FNIP1: variants seen among roughly 807,000 people sequenced by gnomAD.
FNIP1 encodes folliculin-interacting protein 1.
FNIP1 carries 40 observed loss-of-function variants against 124.5 expected under a neutral mutation model. The ratio of observed to expected loss-of-function variants is 0.32; its 90% confidence interval spans 0.25 to 0.42. The LOEUF is 0.42. Among genes scored for constraint, FNIP1 ranks in the 10% least tolerant of loss-of-function variants. The pLI, the probability that FNIP1 is intolerant of heterozygous loss-of-function variation, is 1.00. For missense variants in FNIP1, 1,176 were observed against 1,403.7 expected (o/e 0.84, Z 2.59); for synonymous variants, 472 against 470.6 (o/e 1.00, Z -0.04).
intron 5 of FNIP1, 44 bp from the exon 6 acceptor site, chr5:131,716,700 G>GTT (rs1182153537): frequency 8.0e-7 from 1 of 1,256,638 alleles, no homozygotes; most frequent in Admixed American, 2.1e-5. Flanking sequence ...TCATTTTATG[G>GTT]TTTAAGGACA....
chr5:131,740,277 C>T (rs1358550166), intron 2 of FNIP1, among the ~76,000 whole-genome samples: 1 of 152,166 alleles, frequency 6.6e-6, no homozygotes, highest in East Asian at 1.9e-4. Context: ...ATTGAGCTTA[C>T]TGATTTCTGT....
intron 1 of FNIP1, among the ~76,000 whole-genome samples, chr5:131,766,339 G>A (rs1335162709): frequency 2.6e-5 from 4 of 152,052 alleles, no homozygotes; most frequent in Non-Finnish European, 4.4e-5. Context: ...ACTGCAGCTG[G>A]CCTGTAGTTT....
Position 131,772,772 on chromosome 5 carries a change from C to T in FNIP1, c.92+24058G>A, listed in dbSNP as rs185137473. ...TCGCTGTTTCCCATCTCTCTGCTAC[C>T]ATCATGACCCTGCCCTCTCTAACCT... On this transcript the variant is annotated intron_variant, in intron 1 of 17. Coordinates refer to ENST00000510461, the MANE Select transcript of FNIP1 (RefSeq NM_133372.3). Among the ~76,000 whole-genome samples the T allele has an allele frequency of 6.5e-3, 995 of 152,270 alleles. 3 individuals carry two copies. Among genetic ancestry groups the T allele is most frequent in the Middle Eastern group, 0.017 (5 of 294 alleles).
intron 15 of FNIP1, among the ~76,000 whole-genome samples, chr5:131,661,220 T>TTGTGTGTG (rs370206265): frequency 2.0e-5 from 3 of 147,636 alleles, no homozygotes; most frequent in African/African-American, 7.6e-5. Flanking sequence ...TGTCTTTGTT[T>TTGTGTGTG]TGTGTGTGTG....
At chr5:131,796,757 A>G in intron 1 of FNIP1, 73 bp downstream of exon 1, 1 of 1,379,238 alleles carries the variant, frequency 7.3e-7, no homozygotes, top group Non-Finnish European at 9.9e-7. Context: ...GGAACACCGA[A>G]GGCCCCAACA....
chr5:131,781,362 T>C (rs527458373), intron 1 of FNIP1, among the ~76,000 whole-genome samples: 2 of 152,350 alleles, frequency 1.3e-5, no homozygotes, highest in East Asian at 1.9e-4. Flanking sequence ...ACAGCCTATT[T>C]ATTATCAGAA....
intron 1 of FNIP1, among the ~76,000 whole-genome samples, chr5:131,759,890 T>C (rs1018391161): frequency 2.0e-5 from 3 of 152,186 alleles, no homozygotes; most frequent in African/African-American, 7.2e-5. Context: ...AGATACACCA[T>C]GGAGTAATAT....
intron 10 of FNIP1, among the ~76,000 whole-genome samples, chr5:131,701,984 T>C (rs1238226257): frequency 1.3e-5 from 2 of 152,214 alleles, no homozygotes; most frequent in East Asian, 3.8e-4. Flanking sequence ...AGCCACTGAT[T>C]TTATCAGCTC....
intron 3 of FNIP1, among the ~76,000 whole-genome samples, chr5:131,723,264 A>G (rs758407436): frequency 6.6e-6 from 1 of 152,166 alleles, no homozygotes; most frequent in African/African-American, 2.4e-5. Flanking sequence ...TTTTACCATA[A>G]TGTGTCTAAC....
At chr5:131,680,805 T>G (rs1768054389) in intron 11 of FNIP1, among the ~76,000 whole-genome samples, 1 of 152,282 alleles carries the variant, frequency 6.6e-6, no homozygotes, top group Admixed American at 6.5e-5. Context: ...CAAGGAACTA[T>G]TACTGAAAAT....
rs1221698907 is a variant in FNIP1 at position 131,716,660 on chromosome 5, T to C, written c.531-4A>G. ...GAATTCAAGACTATCTTGTAGCCTATGGAGGGTGAGAAGAAAATTAATTCC... is the reference window on the plus strand; with the variant it reads ...GAATTCAAGACTATCTTGTAGCCTACGGAGGGTGAGAAGAAAATTAATTCC... On this transcript the variant is annotated splice_polypyrimidine_tract_variant and splice_region_variant and intron_variant, in intron 5 of 17. Transcript: ENST00000510461. 5 of 1,549,458 alleles carry C rather than the reference T, an allele frequency of 3.2e-6. No homozygotes were observed. Among genetic ancestry groups the C allele is most frequent in the African/African-American group, 1.4e-5 (1 of 72,608 alleles).
At chr5:131,793,999 G>A (rs1028332546) in intron 1 of FNIP1, among the ~76,000 whole-genome samples, 1 of 151,936 alleles carries the variant, frequency 6.6e-6, no homozygotes, top group Non-Finnish European at 1.5e-5. Context: ...GATACCACTA[G>A]AATGGCTATA....
intron 1 of FNIP1, among the ~76,000 whole-genome samples, chr5:131,753,100 C>CA (rs1213488089): frequency 2.0e-5 from 3 of 151,412 alleles, no homozygotes; most frequent in Admixed American, 1.3e-4. Context: ...TACAAACAAA[C>CA]AAAAAAAATG....
At chr5:131,645,482 C>A (rs910753227) in intron 17 of FNIP1, among the ~76,000 whole-genome samples, 3 of 152,096 alleles carry the variant, frequency 2.0e-5, no homozygotes, top group African/African-American at 7.2e-5. Flanking sequence ...ATCAGACTCC[C>A]TCATGGTTAG....
At chr5:131,649,493 T>G (rs1489480655) in intron 16 of FNIP1, among the ~76,000 whole-genome samples, 2 of 152,248 alleles carry the variant, frequency 1.3e-5, no homozygotes, top group Admixed American at 6.5e-5. Context: ...CTTTGCCATT[T>G]TTTAATTCAA....
chr5:131,796,614 A>C, intron 1 of FNIP1: 1 of 559,034 alleles, frequency 1.8e-6, no homozygotes, highest in Non-Finnish European at 3.2e-6. Context: ...AGGAGGGGGA[A>C]GGGGCAACGG....
chr5:131,762,976 G>C (rs1384438421), intron 1 of FNIP1, among the ~76,000 whole-genome samples: 2 of 152,070 alleles, frequency 1.3e-5, no homozygotes, highest in Admixed American at 1.3e-4. Context: ...TAAAACAACT[G>C]AACTAGTGGA....
intron 2 of FNIP1, among the ~76,000 whole-genome samples, chr5:131,740,498 C>T (rs760510887): frequency 1.3e-5 from 2 of 152,134 alleles, no homozygotes; most frequent in Admixed American, 6.5e-5. Flanking sequence ...TGTGAATGGT[C>T]ATATAACTTA....
chr5:131,674,913 G>T (rs1382615842), intron 13 of FNIP1, among the ~76,000 whole-genome samples: 1 of 152,046 alleles, frequency 6.6e-6, no homozygotes, highest in Non-Finnish European at 1.5e-5. Context: ...TTTCTCTTCT[G>T]GCTAACACAC....
Sources: allele counts gnomAD v4.1 joint callset (sites outside exome capture counted in the v4.1 genomes callset), GRCh38; gene constraint gnomAD v4.1.1; transcripts MANE v1.5; gene names NCBI Gene and HGNC (gene_info 2026-07-23, HGNC 2026-07-21).